The following PRKCI variants were observed in gnomAD, a reference collection of about 807,000 sequenced individuals.
The protein encoded by PRKCI is protein kinase C iota type.
A neutral mutation model predicts 84.0 loss-of-function variants in PRKCI; 43 were observed. The ratio of observed to expected loss-of-function variants is 0.51; its 90% CI spans 0.40 to 0.66. The LOEUF (loss-of-function observed/expected upper bound fraction) is 0.66, where lower values mean the gene tolerates loss of function less well. Ranked by LOEUF, PRKCI falls within the 30% of genes least tolerant of loss-of-function variation. PRKCI has a pLI of 0.00. For missense variants in PRKCI, 459 were observed against 745.6 expected (o/e 0.62, Z 4.48); for synonymous variants, 216 against 234.4 (o/e 0.92, Z 0.72).
chr3:170,298,975 C>T lies in PRKCI; in HGVS notation c.1588-20C>T. The stretch of plus-strand genomic sequence containing the variant: ...TTCTAAGAATACAGACTTGAGCTGT[C>T]ATCCAGTATGTCTTTTCAGATGGAG... On this transcript the variant is annotated intron_variant, in intron 16 of 17. Transcript: ENST00000295797. 1.1e-5 allele frequency: 16 copies of T among 1,502,048 alleles called. No homozygotes were observed. Among genetic ancestry groups the T allele is most frequent in the Non-Finnish European group, 1.3e-5 (14 of 1,079,632 alleles). The allele number at this position is 1,502,048 out of a possible 1,614,324, so 93.0% of individuals were successfully genotyped here.
In PRKCI at chr3:170,228,588, CATACACACACACAAATATATATATAT is replaced by C. The variant is rs1264878333; in HGVS notation, c.101+5832_101+5857del. Among the ~76,000 whole-genome samples the C allele has an allele frequency of 4.7e-5, 7 of 148,058 alleles. No homozygotes were observed. The Admixed American group carries it at 4.8e-4, about 10-fold the overall frequency. Reference sequence around the variant, plus strand: ...AGACCCTGTCTCACACACACACAGACATACACACACACAAATATATATATATATACACACACACACACACACACACA... The same window carrying C: ...AGACCCTGTCTCACACACACACAGACATACACACACACACACACACACACA... On this transcript the variant is annotated intron_variant, in intron 1 of 17. Coordinates refer to ENST00000295797, the MANE Select transcript of PRKCI (RefSeq NM_002740.6).
At chr3:170,272,815 T>C (rs1241708170) in intron 6 of PRKCI, among the ~76,000 whole-genome samples, 2 of 152,234 alleles carry the variant, frequency 1.3e-5, no homozygotes, top group African/African-American at 4.8e-5. Flanking sequence ...AGTATTTCTT[T>C]TCTCTTTTTT....
chr3:170,246,299 C>A (rs1454664986), intron 2 of PRKCI, among the ~76,000 whole-genome samples: 1 of 151,984 alleles, frequency 6.6e-6, no homozygotes, highest in African/African-American at 2.4e-5. Context: ...ATTACAGGCG[C>A]CTGCCACCAT....
At chr3:170,223,211 C>T (rs1732540137) in intron 1 of PRKCI, among the ~76,000 whole-genome samples, 1 of 152,166 alleles carries the variant, frequency 6.6e-6, no homozygotes, top group Non-Finnish European at 1.5e-5. Context: ...GTTTTGATTA[C>T]CAGCAGGCCT....
At chr3:170,262,149 C>G (rs900682387) in intron 3 of PRKCI, among the ~76,000 whole-genome samples, 2 of 152,126 alleles carry the variant, frequency 1.3e-5, no homozygotes, top group Non-Finnish European at 2.9e-5. Context: ...GCTTTATATT[C>G]TACCTTGTTA....
intron 4 of PRKCI, 91 bp from the exon 5 acceptor site, chr3:170,267,824 A>G: frequency 1.2e-6 from 1 of 832,140 alleles, no homozygotes; most frequent in Non-Finnish European, 1.8e-6. Flanking sequence ...TCTTGCAGTG[A>G]GTATCATGAA....
chr3:170,227,036 C>A (rs1732644997), intron 1 of PRKCI, among the ~76,000 whole-genome samples: 1 of 152,086 alleles, frequency 6.6e-6, no homozygotes, highest in Non-Finnish European at 1.5e-5. Flanking sequence ...TGACAATGTG[C>A]AAATGAAAGA....
chr3:170,293,223 G>A lies in PRKCI; in HGVS notation c.1292-160G>A, dbSNP rs543851307. 20 of 543,916 alleles carry A rather than the reference G, an allele frequency of 3.7e-5. 1 individual carries two copies. In the South Asian group the frequency reaches 5.9e-4, roughly 16 times the overall value. 33.7% of individuals were successfully genotyped at this position (543,916 alleles called of 1,614,324 possible). A position where few individuals can be genotyped will look rare whatever the true frequency, so the allele number is the denominator to read the frequency against. On this transcript the variant is annotated intron_variant, in intron 13 of 17. Transcript: ENST00000295797. Reference sequence around the variant, plus strand: ...TAGGTACCTACCCTTGTTGATAAATGAAGCATTTCTATAATCTTCAGTGCC... The same window carrying A: ...TAGGTACCTACCCTTGTTGATAAATAAAGCATTTCTATAATCTTCAGTGCC...
chr3:170,267,263 A>G (rs1327660069), intron 4 of PRKCI, among the ~76,000 whole-genome samples: 1 of 152,190 alleles, frequency 6.6e-6, no homozygotes, highest in Admixed American at 6.6e-5. Flanking sequence ...AGTAAATATG[A>G]CAAAACATGA....
intron 14 of PRKCI, among the ~76,000 whole-genome samples, chr3:170,293,839 C>T (rs1394396761): frequency 6.6e-6 from 1 of 151,998 alleles, no homozygotes; most frequent in East Asian, 1.9e-4. Context: ...CACCACTATG[C>T]CCGGCTAAAT....
At chr3:170,246,593 C>G (rs1272004307) in intron 2 of PRKCI, among the ~76,000 whole-genome samples, 1 of 152,186 alleles carries the variant, frequency 6.6e-6, no homozygotes, top group East Asian at 1.9e-4. Context: ...CCATGCCCAG[C>G]AGATGTCTTG....
chr3:170,275,359 C>G (rs1480920220), intron 8 of PRKCI, 72 bp downstream of exon 8: 1 of 1,412,256 alleles, frequency 7.1e-7, no homozygotes, highest in Admixed American at 2.4e-5. Context: ...AAAAGTATGA[C>G]ATATTGACCT....
chr3:170,264,889 A>G (rs1033595715), intron 4 of PRKCI, among the ~76,000 whole-genome samples: 1 of 152,152 alleles, frequency 6.6e-6, no homozygotes, highest in Admixed American at 6.6e-5. Flanking sequence ...AGAACTGAAT[A>G]GAAACTGCAC....
intron 2 of PRKCI, among the ~76,000 whole-genome samples, chr3:170,240,977 A>G (rs1733115494): frequency 6.6e-6 from 1 of 152,220 alleles, no homozygotes; most frequent in South Asian, 2.1e-4. Context: ...ATTCTTGTGT[A>G]ACAAAAGTGT....
intron 8 of PRKCI, among the ~76,000 whole-genome samples, chr3:170,277,538 CAAA>C (rs1285274449): frequency 2.0e-5 from 3 of 151,908 alleles, no homozygotes; most frequent in Non-Finnish European, 4.4e-5. Flanking sequence ...ACTAAAAATA[CAAA>C]AAATTAGCCA....
In PRKCI at chr3:170,267,974, A is replaced by G; in HGVS notation, c.424A>G (p.Thr142Ala). ...WRKLYCANGH[T>A]FQAKRFNRRA... Reference sequence around the variant, plus strand: ...AAAGCTTTATTGTGCCAATGGCCACACTTTCCAAGCCAAGCGTTTCAACAG... The same window carrying G: ...AAAGCTTTATTGTGCCAATGGCCACGCTTTCCAAGCCAAGCGTTTCAACAG... Residue 142 changes from threonine (T) to alanine (A), a missense_variant, in exon 5 of 18, where the codon ACT becomes GCT. Physicochemically the swap from Thr to Ala is moderately conservative, Grantham distance 58. Around this residue, in one of 2 missense-constraint regions of PRKCI, gnomAD observed 250 missense variants for 319.7 expected, o/e 0.78. Transcript: ENST00000295797. 1 of 1,612,988 alleles carries G rather than the reference A, an allele frequency of 6.2e-7. No homozygotes were observed. The highest frequency in any genetic ancestry group is 8.5e-7 in the Non-Finnish European group (1 of 1,179,546).
intron 2 of PRKCI, among the ~76,000 whole-genome samples, chr3:170,251,907 A>G (rs1217133982): frequency 1.4e-5 from 2 of 140,978 alleles, no homozygotes; most frequent in African/African-American, 5.1e-5. Flanking sequence ...GACTGTCTCA[A>G]AAAAAAAAAA....
chr3:170,223,072 G>A (rs912155321), intron 1 of PRKCI, among the ~76,000 whole-genome samples: 2 of 152,148 alleles, frequency 1.3e-5, no homozygotes, highest in Non-Finnish European at 2.9e-5. Context: ...CCTCCTGAGA[G>A]CTTTGTAGGG....
chr3:170,267,823 G>A, intron 4 of PRKCI, 92 bp from the exon 5 acceptor site: 1 of 830,736 alleles, frequency 1.2e-6, no homozygotes. Context: ...TTCTTGCAGT[G>A]AGTATCATGA....
Sources: allele counts gnomAD v4.1 joint callset (sites outside exome capture counted in the v4.1 genomes callset), GRCh38; gene constraint gnomAD v4.1.1; regional missense constraint gnomAD v4.1.1; transcripts MANE v1.5; gene names NCBI Gene and HGNC (gene_info 2026-07-23, HGNC 2026-07-21).